LRGUK: variants seen among roughly 807,000 people sequenced by gnomAD.
LRGUK encodes leucine rich repeats and guanylate kinase domain containing.
LRGUK carries 65 observed loss-of-function variants against 76.0 expected under a neutral mutation model. That is an observed-to-expected ratio of 0.85 (90% CI 0.70 to 1.05). The LOEUF (loss-of-function observed/expected upper bound fraction) is 1.05. Ranked by LOEUF, LRGUK falls within the 50% of genes least tolerant of loss-of-function variation. The probability of loss-of-function intolerance (pLI) is 0.00; values close to 1 mark genes in which losing one functional copy is unlikely to be tolerated. For synonymous variants in LRGUK, 268 were observed against 265.6 expected (o/e 1.01, Z -0.09); for missense variants, 758 against 732.8 (o/e 1.03, Z -0.40).
chr7:134,227,848 G>C (rs1585580777), intron 16 of LRGUK, among the ~76,000 whole-genome samples: 1 of 152,108 alleles, frequency 6.6e-6, no homozygotes, highest in East Asian at 1.9e-4. Context: ...AACATAACAA[G>C]ATGGGAAATA....
Position 134,163,517 on chromosome 7 carries a change from G to A in LRGUK, c.916G>A (p.Val306Met), listed in dbSNP as rs747455238. 3.7e-6 allele frequency: 6 copies of A among 1,613,302 alleles called. No individual in the cohort carries two copies. The Admixed American group carries it at 1.0e-4, about 27-fold the overall frequency. ...CTTAGAGAATCATGACCTCCTGGAA[G>A]TGATCAACCTGGAGGATAATAAGGT... The change falls in exon 7 of 16, where the codon GTG (valine) becomes ATG (methionine). Residue 306 changes from valine to methionine, a missense_variant. By Grantham distance (21) the Val-to-Met change is conservative. Transcript: ENST00000645682.
intron 16 of LRGUK, among the ~76,000 whole-genome samples, chr7:134,233,860 G>T (rs1043911372): frequency 2.6e-5 from 4 of 152,100 alleles, no homozygotes; most frequent in Non-Finnish European, 5.9e-5. Flanking sequence ...GGATCCTCAC[G>T]GCTCTAAACA....
chr7:134,153,710 C>G (rs926562849), intron 5 of LRGUK, among the ~76,000 whole-genome samples: 1 of 152,124 alleles, frequency 6.6e-6, no homozygotes, highest in Non-Finnish European at 1.5e-5. Flanking sequence ...GTAATTACAA[C>G]TTTTGTCACA....
chr7:134,230,268 A>G (rs1046183856), intron 16 of LRGUK, among the ~76,000 whole-genome samples: 2 of 152,236 alleles, frequency 1.3e-5, no homozygotes, highest in Non-Finnish European at 2.9e-5. Flanking sequence ...ACCCAGCCTT[A>G]TTATTAATCA....
rs560374505 is a variant in LRGUK, at chr7:134,191,460, T to A, written c.1335-195T>A. 2.1e-4 allele frequency among the ~76,000 whole-genome samples: 32 copies of A among 152,340 alleles called. 1 individual carries two copies. Among genetic ancestry groups the A allele is most frequent in the African/African-American group, 7.5e-4 (31 of 41,580 alleles). ...AATTTGGTATGGATAATCCAAATTT[T>A]GTATAATCTTTATAGATGATAGCAA... On this transcript the variant is annotated intron_variant, in intron 11 of 15. Transcript: ENST00000645682.
chr7:134,239,331 A>G (rs1316042309), intron 16 of LRGUK, among the ~76,000 whole-genome samples: 1 of 152,186 alleles, frequency 6.6e-6, no homozygotes, highest in Non-Finnish European at 1.5e-5. Context: ...GGTACCTGGA[A>G]AATTGGGACA....
At chr7:134,154,246 C>A (rs1373545024) in intron 5 of LRGUK, among the ~76,000 whole-genome samples, 2 of 152,152 alleles carry the variant, frequency 1.3e-5, no homozygotes, top group Admixed American at 1.3e-4. Context: ...ACCCAGTAAG[C>A]TAATTCATTG....
At chr7:134,153,339 C>T (rs1351358265) in intron 5 of LRGUK, among the ~76,000 whole-genome samples, 1 of 151,794 alleles carries the variant, frequency 6.6e-6, no homozygotes, top group Non-Finnish European at 1.5e-5. Flanking sequence ...TTTGTCTTTC[C>T]ATATGTGGAT....
chr7:134,240,639 A>T (rs1346551552), intron 16 of LRGUK, among the ~76,000 whole-genome samples: 26 of 152,238 alleles, frequency 1.7e-4, no homozygotes, highest in Admixed American at 1.7e-3. Flanking sequence ...GCAGGATATT[A>T]TCCAGGAGAA....
chr7:134,254,481 T>C (rs2117218250), intron 18 of LRGUK, among the ~76,000 whole-genome samples: 2 of 152,236 alleles, frequency 1.3e-5, no homozygotes, highest in East Asian at 3.9e-4. Flanking sequence ...CACTTCCTGG[T>C]TTCCAGATGC....
At chr7:134,243,413 GACAA>G (rs573920706) in intron 16 of LRGUK, among the ~76,000 whole-genome samples, 8 of 152,238 alleles carry the variant, frequency 5.3e-5, no homozygotes, top group Admixed American at 5.2e-4. Context: ...ACCAATAACA[GACAA>G]ACAGAGAGTC....
At chr7:134,131,292 C>T (rs777166755) in intron 1 of LRGUK, among the ~76,000 whole-genome samples, 6 of 152,092 alleles carry the variant, frequency 3.9e-5, no homozygotes, top group Non-Finnish European at 5.9e-5. Flanking sequence ...ATTATAGCTG[C>T]AATAAATAAT....
At chr7:134,133,907 TA>T (rs1442890382) in intron 1 of LRGUK, among the ~76,000 whole-genome samples, 2 of 151,716 alleles carry the variant, frequency 1.3e-5, no homozygotes, top group Non-Finnish European at 2.9e-5. Context: ...AAAAAAATTA[TA>T]AAAATTAGCC....
At chr7:134,216,056 T>C (rs1356858296) in intron 15 of LRGUK, among the ~76,000 whole-genome samples, 1 of 152,194 alleles carries the variant, frequency 6.6e-6, no homozygotes, top group Non-Finnish European at 1.5e-5. Context: ...TGCATTACAA[T>C]CTAGCCATGT....
intron 4 of LRGUK, 76 bp from the exon 5 acceptor site, chr7:134,148,162 C>T (rs1056944147): frequency 3.3e-6 from 3 of 903,272 alleles, no homozygotes; most frequent in Admixed American, 4.3e-5. Context: ...ATACCTTCTT[C>T]TTGCACAGTT....
chr7:134,203,986 G>T (rs995805830), intron 15 of LRGUK, among the ~76,000 whole-genome samples: 3 of 152,174 alleles, frequency 2.0e-5, no homozygotes, highest in Non-Finnish European at 4.4e-5. Flanking sequence ...TACCCACCCT[G>T]CCCTGATCCC....
chr7:134,159,435 A>G (rs1022469485), intron 6 of LRGUK, among the ~76,000 whole-genome samples: 1 of 151,924 alleles, frequency 6.6e-6, no homozygotes, highest in African/African-American at 2.4e-5. Context: ...ACCATAGATC[A>G]CTGAAGATTG....
chr7:134,226,217 AAT>A (rs1491330435), intron 16 of LRGUK, among the ~76,000 whole-genome samples: 2 of 92,180 alleles, frequency 2.2e-5, no homozygotes, highest in African/African-American at 1.4e-4. Context: ...TCCCATCTCC[AAT>A]GTGTGTGTGT....
chr7:134,158,536 C>T (rs1798581013), intron 6 of LRGUK, among the ~76,000 whole-genome samples: 1 of 152,076 alleles, frequency 6.6e-6, no homozygotes, highest in Non-Finnish European at 1.5e-5. Context: ...ATATTTATTG[C>T]TGTTAACACT....
Sources: gnomAD v4.1 joint callset for allele counts (sites outside exome capture counted in the v4.1 genomes callset) on GRCh38, gnomAD v4.1.1 for gene constraint, MANE v1.5 for transcripts, NCBI Gene and HGNC (gene_info 2026-07-23, HGNC 2026-07-21) for gene names.